The following DSCAM variants were observed in gnomAD, a reference collection of about 807,000 sequenced individuals.
The protein encoded by DSCAM is cell adhesion molecule DSCAM.
DSCAM carries 47 observed loss-of-function variants against 217.7 expected under a neutral mutation model. The observed-to-expected ratio is 0.22, with a 90% CI of 0.17 to 0.28. The LOEUF is 0.28. Among genes scored for constraint, DSCAM ranks in the 10% least tolerant of loss-of-function variants. The pLI is 1.00. For missense variants in DSCAM, 2,080 were observed against 2,618.3 expected, an observed-to-expected ratio of 0.79 and a Z score of 4.49; for synonymous variants, 1,056 against 1,015.3, an observed-to-expected ratio of 1.04 and a Z score of -0.76.
intron 1 of DSCAM, among the ~76,000 whole-genome samples, chr21:40,805,936 C>T (rs1193095725): frequency 6.6e-6 from 1 of 152,086 alleles, no homozygotes; most frequent in African/African-American, 2.4e-5. Context: ...TCTCGATCTC[C>T]TGACCTTGTG....
chr21:40,490,982 G>A (rs572258096), intron 3 of DSCAM, among the ~76,000 whole-genome samples: 5 of 152,202 alleles, frequency 3.3e-5, no homozygotes, highest in Admixed American at 6.5e-5. Context: ...ATTCTTTTAC[G>A]TGACTTGGGC....
At chr21:40,542,582 T>C (rs192563698) in intron 3 of DSCAM, among the ~76,000 whole-genome samples, 92 of 152,336 alleles carry the variant, frequency 6.0e-4, no homozygotes, top group Non-Finnish European at 9.8e-4. Flanking sequence ...CTCTGCTCTC[T>C]GCCATCTGAG....
At chr21:40,355,153 T>A (rs971164931) in intron 4 of DSCAM, among the ~76,000 whole-genome samples, 2 of 152,008 alleles carry the variant, frequency 1.3e-5, no homozygotes, top group African/African-American at 4.8e-5. Flanking sequence ...TAAGTGTAGT[T>A]AAAGAAAGAA....
intron 15 of DSCAM, among the ~76,000 whole-genome samples, chr21:40,173,431 C>A (rs928459616): frequency 6.6e-6 from 1 of 152,056 alleles, no homozygotes; most frequent in Non-Finnish European, 1.5e-5. Context: ...GCAAGAAGGC[C>A]GATAACTTTC....
intron 3 of DSCAM, among the ~76,000 whole-genome samples, chr21:40,653,435 T>G (rs1313372814): frequency 6.6e-6 from 1 of 152,108 alleles, no homozygotes; most frequent in Non-Finnish European, 1.5e-5. Context: ...CCATAGATGT[T>G]GTTGAAAGAG....
intron 1 of DSCAM, among the ~76,000 whole-genome samples, chr21:40,732,818 T>G (rs956999484): frequency 1.3e-5 from 2 of 152,222 alleles, no homozygotes; most frequent in African/African-American, 2.4e-5. Context: ...AATGGTACTT[T>G]GTGCGAGTCC....
At chr21:40,790,654 A>T (rs1444660438) in intron 1 of DSCAM, among the ~76,000 whole-genome samples, 2 of 152,194 alleles carry the variant, frequency 1.3e-5, no homozygotes, top group East Asian at 3.9e-4. Context: ...GTGTGTGCAC[A>T]TGTGTATGTG....
intron 20 of DSCAM, among the ~76,000 whole-genome samples, chr21:40,106,117 G>C (rs79340435): frequency 2.0e-5 from 3 of 152,150 alleles, no homozygotes; most frequent in South Asian, 2.1e-4. Context: ...AGGAGCAAAG[G>C]CATGTTTTAC....
intron 14 of DSCAM, among the ~76,000 whole-genome samples, chr21:40,184,658 ATAATGATTCT>A (rs2090874179): frequency 6.6e-6 from 1 of 152,226 alleles, no homozygotes; most frequent in Non-Finnish European, 1.5e-5. Flanking sequence ...GCTGTTGATA[ATAATGATTCT>A]TAGATTTCAA....
chr21:40,640,989 A>C (rs2089870815), intron 3 of DSCAM, among the ~76,000 whole-genome samples: 1 of 152,214 alleles, frequency 6.6e-6, no homozygotes, highest in African/African-American at 2.4e-5. Context: ...AACATTATCT[A>C]GTCTATTGTG....
intron 3 of DSCAM, among the ~76,000 whole-genome samples, chr21:40,388,490 A>C (rs2837603): frequency 0.082 from 12,553 of 152,212 alleles, 850 homozygotes; most frequent in Admixed American, 0.24. Context: ...ACTTTTCCAC[A>C]AATTCCATTT....
chr21:40,522,777 C>A (rs1241610009), intron 3 of DSCAM, among the ~76,000 whole-genome samples: 3 of 152,172 alleles, frequency 2.0e-5, no homozygotes, highest in Non-Finnish European at 4.4e-5. Flanking sequence ...CTTCCTGTTT[C>A]CATTCGCAAC....
At chr21:40,527,217 T>C (rs1011824348) in intron 3 of DSCAM, among the ~76,000 whole-genome samples, 2 of 152,162 alleles carry the variant, frequency 1.3e-5, no homozygotes, top group African/African-American at 4.8e-5. Context: ...CCATGTATGG[T>C]AGATGCCAAA....
chr21:40,582,184 A>G (rs1568920464), intron 3 of DSCAM, among the ~76,000 whole-genome samples: 2 of 152,164 alleles, frequency 1.3e-5, no homozygotes, highest in Non-Finnish European at 2.9e-5. Flanking sequence ...AACATCCATA[A>G]ATCAGTTCTT....
At chr21:40,475,996 C>T (rs1480942100) in intron 3 of DSCAM, among the ~76,000 whole-genome samples, 1 of 152,146 alleles carries the variant, frequency 6.6e-6, no homozygotes, top group Non-Finnish European at 1.5e-5. Flanking sequence ...GGCTTCTTTC[C>T]TCCACAAGTG....
Position 40,338,149 on chromosome 21 carries a change from C to T in DSCAM, c.1735G>A (p.Val579Ile). 1.9e-6 allele frequency: 3 copies of T among 1,614,248 alleles called. No homozygotes were observed. The highest frequency in any genetic ancestry group is 2.5e-6 in the Non-Finnish European group (3 of 1,180,044). The change falls in exon 8 of 33, where the codon GTT (valine) becomes ATT (isoleucine). Residue 579 changes from valine (V) to isoleucine (I), a missense_variant. By Grantham distance (29) the Val-to-Ile change is conservative. Transcript: ENST00000400454. ...DEGEYTCNVLVQPQLSTSQSV... is the reference protein window; with the variant it reads ...DEGEYTCNVLIQPQLSTSQSV... ...TGGCTGGTGGAGAGTTGTGGTTGAA[C>T]CAACACGTTGCACGTGTACTCCCCC...
intron 1 of DSCAM, among the ~76,000 whole-genome samples, chr21:40,713,349 G>C (rs1426088906): frequency 6.6e-6 from 1 of 152,178 alleles, no homozygotes; most frequent in Non-Finnish European, 1.5e-5. Flanking sequence ...ATCCTGCAGG[G>C]CATTGAGACG....
chr21:40,173,475 A>G (rs2090681232), intron 15 of DSCAM, among the ~76,000 whole-genome samples: 1 of 152,196 alleles, frequency 6.6e-6, no homozygotes, highest in Non-Finnish European at 1.5e-5. Flanking sequence ...CTTCAAACCC[A>G]GGATGGAGGA....
At chr21:40,088,573 A>G (rs2089563843) in intron 21 of DSCAM, among the ~76,000 whole-genome samples, 1 of 152,208 alleles carries the variant, frequency 6.6e-6, no homozygotes, top group Non-Finnish European at 1.5e-5. Flanking sequence ...AGCAAAACCC[A>G]TGTTTCAAGC....
Sources: gnomAD v4.1 joint callset for allele counts (sites outside exome capture counted in the v4.1 genomes callset) on GRCh38, gnomAD v4.1.1 for gene constraint, MANE v1.5 for transcripts, NCBI Gene and HGNC (gene_info 2026-07-23, HGNC 2026-07-21) for gene names.